CSMD1: variants seen among roughly 807,000 people sequenced by gnomAD.
The protein encoded by CSMD1 is CUB and Sushi multiple domains 1.
In CSMD1, 213 loss-of-function variants were observed where a neutral mutation model predicts 417.5. The ratio of observed to expected loss-of-function variants is 0.51; its 90% CI spans 0.46 to 0.57. CSMD1 has a LOEUF of 0.57. CSMD1 is among the 20% of genes least tolerant of loss of function. The probability of loss-of-function intolerance (pLI) is 0.00; values close to 1 mark genes in which losing one functional copy is unlikely to be tolerated. For missense variants in CSMD1, 6,923 were observed against 4,529.7 expected (o/e 1.53, Z -15.17); for synonymous variants, 2,862 against 1,736.8 (o/e 1.65, Z -16.11).
At chr8:4,178,869 A>G (rs928089934) in intron 3 of CSMD1, among the ~76,000 whole-genome samples, 1 of 152,206 alleles carries the variant, frequency 6.6e-6, no homozygotes, top group East Asian at 1.9e-4. Flanking sequence ...CCAACTTACA[A>G]GGGATGAGAA....
At chr8:4,955,511 A>G (rs1018401754) in intron 1 of CSMD1, among the ~76,000 whole-genome samples, 1 of 151,526 alleles carries the variant, frequency 6.6e-6, no homozygotes, top group African/African-American at 2.4e-5. Context: ...GCTGGAGTGC[A>G]GTGGCATGAT....
chr8:3,233,762 G>C (rs1238436443), intron 26 of CSMD1, among the ~76,000 whole-genome samples: 1 of 152,098 alleles, frequency 6.6e-6, no homozygotes, highest in Admixed American at 6.5e-5. Context: ...TGGGGAACTT[G>C]ACTTATGGTA....
At chr8:3,975,791 A>G (rs1485409657) in intron 5 of CSMD1, among the ~76,000 whole-genome samples, 1 of 152,200 alleles carries the variant, frequency 6.6e-6, no homozygotes, top group Non-Finnish European at 1.5e-5. Context: ...GATAACTTAA[A>G]AAACCCATAT....
chr8:4,144,552 TCTC>T (rs1186721086), intron 3 of CSMD1, among the ~76,000 whole-genome samples: 1 of 150,784 alleles, frequency 6.6e-6, no homozygotes, highest in Non-Finnish European at 1.5e-5. Flanking sequence ...CTGGTTAGAG[TCTC>T]CTAATTGTTA....
intron 1 of CSMD1, among the ~76,000 whole-genome samples, chr8:4,862,520 G>C (rs1397918212): frequency 1.3e-5 from 2 of 152,096 alleles, no homozygotes; most frequent in African/African-American, 4.8e-5. Flanking sequence ...TCGTGGTTTG[G>C]ACGAAGAAGA....
chr8:3,237,848 TATA>T (rs1311572606), intron 26 of CSMD1, among the ~76,000 whole-genome samples: 4 of 90,650 alleles, frequency 4.4e-5, no homozygotes, highest in African/African-American at 1.8e-4. Flanking sequence ...TAATTATACT[TATA>T]CTATAAATAT....
At chr8:4,770,350 T>A (rs992908278) in intron 1 of CSMD1, among the ~76,000 whole-genome samples, 1 of 148,482 alleles carries the variant, frequency 6.7e-6, no homozygotes, top group Non-Finnish European at 1.5e-5. Context: ...ATATAATATG[T>A]AATTAAGCTA....
At chr8:3,576,973 G>A (rs567855919) in intron 9 of CSMD1, among the ~76,000 whole-genome samples, 4 of 152,298 alleles carry the variant, frequency 2.6e-5, no homozygotes, top group African/African-American at 9.6e-5. Context: ...ATTTAATTGT[G>A]AAGCAATGTA....
Position 3,772,283 on chromosome 8 carries a change from T to G in CSMD1, c.819-18241A>C, listed in dbSNP as rs772920421. On this transcript the variant is annotated intron_variant, in intron 5 of 69. Coordinates refer to ENST00000635120, the MANE Select transcript of CSMD1 (RefSeq NM_033225.6). ...TTTAGACATACATATGTACATATAT[T>G]TAGACATACATATGTACATATATTT... Among the ~76,000 whole-genome samples, 388 of 120,010 alleles carry G rather than the reference T, an allele frequency of 3.2e-3. 20 individuals are homozygous for G. The highest frequency in any genetic ancestry group is 6.7e-3 in the African/African-American group (243 of 36,044). 78.7% of individuals were successfully genotyped at this position (120,010 alleles called of 152,430 possible). A position where few individuals can be genotyped will look rare whatever the true frequency, so the allele number is the denominator to read the frequency against.
intron 54 of CSMD1, among the ~76,000 whole-genome samples, chr8:2,984,027 T>C (rs1463729849): frequency 1.3e-5 from 2 of 152,108 alleles, no homozygotes; most frequent in African/African-American, 4.8e-5. Flanking sequence ...CCTGAGCAAA[T>C]AGAAAACTGT....
rs532757083 is a variant in CSMD1 at position 3,931,584 on chromosome 8, A to C, written c.818+66319T>G. ...GGGAGGTCAGGCAGCAGTCAGTGCC[A>C]TGAATTGCCTCAAATCATTGCGCCA... is the stretch of plus-strand genomic sequence containing the variant. On this transcript the variant is annotated intron_variant, in intron 5 of 69. Coordinates refer to ENST00000635120, the MANE Select transcript of CSMD1 (RefSeq NM_033225.6). Among the ~76,000 whole-genome samples the C allele has an allele frequency of 5.3e-5, 8 of 150,240 alleles. 2 individuals are homozygous for C. The South Asian group carries it at 1.3e-3, about 24-fold the overall frequency.
At chr8:4,060,901 G>C (rs1798936364) in intron 3 of CSMD1, among the ~76,000 whole-genome samples, 1 of 152,132 alleles carries the variant, frequency 6.6e-6, no homozygotes, top group African/African-American at 2.4e-5. Context: ...CTCCCACTAA[G>C]CCTGTTTCCC....
chr8:3,504,159 T>G (rs1796725980), intron 10 of CSMD1, among the ~76,000 whole-genome samples: 1 of 152,132 alleles, frequency 6.6e-6, no homozygotes, highest in African/African-American at 2.4e-5. Flanking sequence ...TTCCCATGAT[T>G]TGATCAATGA....
intron 3 of CSMD1, among the ~76,000 whole-genome samples, chr8:4,119,712 C>CCA (rs1802372211): frequency 3.3e-5 from 5 of 152,204 alleles, no homozygotes; most frequent in Non-Finnish European, 5.9e-5. Context: ...GGCTGGCAGT[C>CCA]TGATCACAAA....
At chr8:3,687,728 G>A (rs1354668475) in intron 7 of CSMD1, among the ~76,000 whole-genome samples, 1 of 152,136 alleles carries the variant, frequency 6.6e-6, no homozygotes, top group African/African-American at 2.4e-5. Context: ...GAAGCACGCT[G>A]CTATCTTGAA....
chr8:4,146,593 C>CCTTT (rs1208930261), intron 3 of CSMD1, among the ~76,000 whole-genome samples: 2 of 90,740 alleles, frequency 2.2e-5, no homozygotes. Flanking sequence ...TATATGGACA[C>CCTTT]ATTTTTTTTT....
chr8:3,073,556 C>G (rs1813452222), intron 49 of CSMD1, among the ~76,000 whole-genome samples: 1 of 152,056 alleles, frequency 6.6e-6, no homozygotes, highest in Non-Finnish European at 1.5e-5. Context: ...TGAAATCATT[C>G]AAACTTTAGA....
chr8:4,769,239 A>C (rs1456177480), intron 1 of CSMD1, among the ~76,000 whole-genome samples: 1 of 152,216 alleles, frequency 6.6e-6, no homozygotes, highest in East Asian at 1.9e-4. Context: ...GATGCATATA[A>C]AACACTGGAA....
chr8:3,454,467 T>C (rs1372474336), intron 12 of CSMD1, among the ~76,000 whole-genome samples: 3 of 152,220 alleles, frequency 2.0e-5, no homozygotes, highest in African/African-American at 4.8e-5. Context: ...TTCCTTTCCA[T>C]GTTTTGTGCT....
Sources: allele counts gnomAD v4.1 joint callset (sites outside exome capture counted in the v4.1 genomes callset), GRCh38; gene constraint gnomAD v4.1.1; transcripts MANE v1.5; gene names NCBI Gene and HGNC (gene_info 2026-07-23, HGNC 2026-07-21).